The following SLC24A2 variants were observed in gnomAD, a reference collection of about 807,000 sequenced individuals.
The protein encoded by SLC24A2 is sodium/potassium/calcium exchanger 2.
A neutral mutation model predicts 62.0 loss-of-function variants in SLC24A2; 36 were observed. The observed-to-expected ratio is 0.58, with a 90% confidence interval of 0.44 to 0.77. The LOEUF is 0.77. Among genes scored for constraint, SLC24A2 ranks in the 30% least tolerant of loss-of-function variants. The probability of loss-of-function intolerance (pLI) is 0.00; values close to 1 mark genes in which losing one functional copy is unlikely to be tolerated. For synonymous variants in SLC24A2, 358 were observed against 294.0 expected (o/e 1.22, Z -2.23); for missense variants, 846 against 817.9 (o/e 1.03, Z -0.42).
At chr9:19,821,991 T>C in the SLC24A2 span, among the ~76,000 whole-genome samples, 2 of 152,156 alleles carry the variant, frequency 1.3e-5, no homozygotes, top group African/African-American at 4.8e-5. Context: ...GGGGACTTGA[T>C]ATAGTGTGCA....
chr9:19,541,813 C>A (rs1225555934), intron 8 of SLC24A2, among the ~76,000 whole-genome samples: 1 of 149,350 alleles, frequency 6.7e-6, no homozygotes, highest in African/African-American at 2.4e-5. Flanking sequence ...GCCTCGTTGC[C>A]GCCTTGCAGT....
intron 4 of SLC24A2, among the ~76,000 whole-genome samples, chr9:19,605,436 A>G (rs1482775556): frequency 1.3e-5 from 2 of 152,180 alleles, no homozygotes; most frequent in Non-Finnish European, 2.9e-5. Context: ...CATTGTACAA[A>G]GGACAGGAGA....
At chr9:19,881,470 G>A in the SLC24A2 span, among the ~76,000 whole-genome samples, 1 of 152,046 alleles carries the variant, frequency 6.6e-6, no homozygotes, top group Non-Finnish European at 1.5e-5. Context: ...GGGAAAGTAC[G>A]GCACAAAAAA....
At chr9:19,829,454 G>C in the SLC24A2 span, among the ~76,000 whole-genome samples, 3 of 152,148 alleles carry the variant, frequency 2.0e-5, no homozygotes, top group East Asian at 3.9e-4. Context: ...GAAAGGCATT[G>C]ACATGGTTTG....
the SLC24A2 span, among the ~76,000 whole-genome samples, chr9:20,019,948 C>T: frequency 1.0e-3 from 157 of 150,970 alleles, no homozygotes; most frequent in African/African-American, 3.5e-3. Flanking sequence ...GACATTTATG[C>T]GGCCAACAAA....
the SLC24A2 span, among the ~76,000 whole-genome samples, chr9:19,993,866 A>G: frequency 6.6e-6 from 1 of 152,242 alleles, no homozygotes. Flanking sequence ...ACAATCATTA[A>G]TGCCCATGGT....
At chr9:19,734,753 G>T (rs1821452370) in intron 2 of SLC24A2, among the ~76,000 whole-genome samples, 1 of 150,364 alleles carries the variant, frequency 6.7e-6, no homozygotes, top group Non-Finnish European at 1.5e-5. Flanking sequence ...CTTTGCTGAA[G>T]TTGCCTATCA....
chr9:19,587,762 A>T (rs1836418563), intron 5 of SLC24A2, among the ~76,000 whole-genome samples: 1 of 152,102 alleles, frequency 6.6e-6, no homozygotes, highest in African/African-American at 2.4e-5. Flanking sequence ...ATCTCTAGAG[A>T]TGTCAGTAAC....
At chr9:19,625,691 C>A (rs1424684822) in intron 2 of SLC24A2, among the ~76,000 whole-genome samples, 1 of 143,810 alleles carries the variant, frequency 7.0e-6, no homozygotes, top group African/African-American at 2.6e-5. Context: ...TTTTTCTTTT[C>A]TTTTTTTTTT....
chr9:20,151,863 A>G, the SLC24A2 span, among the ~76,000 whole-genome samples: 25 of 151,604 alleles, frequency 1.6e-4, no homozygotes, highest in African/African-American at 5.8e-4. Flanking sequence ...CTCACCTCCA[A>G]TAAGTTGTTT....
intron 5 of SLC24A2, among the ~76,000 whole-genome samples, chr9:19,577,256 T>G (rs751559928): frequency 6.6e-6 from 1 of 152,046 alleles, no homozygotes; most frequent in Non-Finnish European, 1.5e-5. Context: ...CTCACAAAAT[T>G]AACAAAAGCA....
chr9:20,177,134 TTTTTAC>T, the SLC24A2 span, among the ~76,000 whole-genome samples: 1 of 152,130 alleles, frequency 6.6e-6, no homozygotes, highest in Non-Finnish European at 1.5e-5. Flanking sequence ...TCTGTGAAGT[TTTTTAC>T]TTTTACTTAT....
chr9:20,096,121 G>A, the SLC24A2 span, among the ~76,000 whole-genome samples: 1,813 of 149,304 alleles, frequency 0.012, 44 homozygotes, highest in African/African-American at 0.043. Context: ...CCGTCCGTCC[G>A]TCCATCCTAT....
rs140054921 is a variant in SLC24A2, at chr9:19,608,080, C to T, written c.1079-10801G>A. Among the ~76,000 whole-genome samples, 280 of 152,268 alleles carry T rather than the reference C, an allele frequency of 1.8e-3. 2 individuals carry two copies. Among genetic ancestry groups the T allele is most frequent in the African/African-American group, 6.3e-3 (262 of 41,552 alleles). The stretch of plus-strand genomic sequence containing the variant: ...ATACTACTGTCATATTAGTAGACCA[C>T]GGCCAGTAGATTGGATTTTATTTTT... On this transcript the variant is annotated intron_variant, in intron 4 of 10. Transcript: ENST00000341998.
At chr9:20,019,849 T>A in the SLC24A2 span, among the ~76,000 whole-genome samples, 1 of 144,758 alleles carries the variant, frequency 6.9e-6, no homozygotes, top group Non-Finnish European at 1.5e-5. Context: ...ATCCAGAATC[T>A]ACAATGAACT....
In SLC24A2 at chr9:19,787,070, T is replaced by C. The variant is rs1823197466; in HGVS notation, c.-153-51A>G. On this transcript the variant is annotated intron_variant, in intron 1 of 10. Transcript: ENST00000341998. The stretch of plus-strand genomic sequence containing the variant: ...AAGTAAATCATAAAATCACGTCTTT[T>C]TAATAAAGATCTTTGCAGATATGAT... 7 of 1,313,558 alleles carry C rather than the reference T, an allele frequency of 5.3e-6. No individual in the cohort carries two copies. The East Asian group carries it at 1.8e-4, about 35-fold the overall frequency. 81.4% of individuals were successfully genotyped at this position (1,313,558 alleles called of 1,614,324 possible).
intron 9 of SLC24A2, 136 bp from the exon 10 acceptor site, chr9:19,521,196 AT>A (rs1833182236): frequency 1.3e-6 from 1 of 791,590 alleles, no homozygotes; most frequent in African/African-American, 1.7e-5. Flanking sequence ...ATAAAGATGA[AT>A]AAGCCACAGT....
chr9:20,192,192 G>A, the SLC24A2 span, among the ~76,000 whole-genome samples: 12 of 152,122 alleles, frequency 7.9e-5, 1 homozygote, highest in East Asian at 2.1e-3. Context: ...CTTAAGCAAA[G>A]ACTCTAAAAG....
At chr9:20,228,990 G>T in the SLC24A2 span, among the ~76,000 whole-genome samples, 1 of 152,062 alleles carries the variant, frequency 6.6e-6, no homozygotes, top group African/African-American at 2.4e-5. Context: ...GGGAGGAAAG[G>T]GACTTAGTGA....
Sources: allele counts gnomAD v4.1 joint callset (sites outside exome capture counted in the v4.1 genomes callset), GRCh38; gene constraint gnomAD v4.1.1; transcripts MANE v1.5; gene names NCBI Gene and HGNC (gene_info 2026-07-23, HGNC 2026-07-21).